Variants in MYRIP observed in about 807,000 individuals in gnomAD.
MYRIP encodes the protein myosin VIIA and Rab interacting protein, also known as rab effector MyRIP.
MYRIP carries 49 observed loss-of-function variants against 98.0 expected under a neutral mutation model. That is an observed-to-expected ratio of 0.50 (90% CI 0.40 to 0.63). The LOEUF is 0.63. MYRIP is among the 30% of genes least tolerant of loss of function. The pLI, the probability that MYRIP is intolerant of heterozygous loss-of-function variation, is 0.00. For synonymous variants in MYRIP, 404 were observed against 409.5 expected, an observed-to-expected ratio of 0.99 and a Z score of 0.16; for missense variants, 1,004 against 1,058.2, an observed-to-expected ratio of 0.95 and a Z score of 0.71.
chr3:40,161,851 G>T (rs1336673635), intron 4 of MYRIP, among the ~76,000 whole-genome samples: 1 of 152,118 alleles, frequency 6.6e-6, no homozygotes, highest in African/African-American at 2.4e-5. Flanking sequence ...GATCTTACCA[G>T]GTCATCTCTG....
Position 40,258,303 on chromosome 3 carries a change from G to C in MYRIP, c.*137G>C. The C allele has an allele frequency of 1.4e-5, 14 of 980,296 alleles. No homozygotes were observed. Among genetic ancestry groups the C allele is most frequent in the East Asian group, 2.4e-5 (1 of 40,872 alleles). The allele number at this position is 980,296 out of a possible 1,614,324, so 60.7% of individuals were successfully genotyped here. A position where few individuals can be genotyped will look rare whatever the true frequency, so the allele number is the denominator to read the frequency against. ...GGAGGCCACAGTGCACCATTGCACA[G>C]GGCTGTCCTGATACCTCATCCAGAA... On this transcript the variant is annotated 3_prime_UTR_variant, in exon 17 of 17. Transcript: ENST00000302541.
chr3:39,863,339 CTA>C, intron 1 of MYRIP, among the ~76,000 whole-genome samples: 1 of 151,422 alleles, frequency 6.6e-6, no homozygotes, highest in East Asian at 1.9e-4. Flanking sequence ...ATATGAAAAA[CTA>C]TGCAAAAGAT....
At chr3:40,088,923 T>C (rs570884665) in intron 3 of MYRIP, among the ~76,000 whole-genome samples, 13 of 150,738 alleles carry the variant, frequency 8.6e-5, no homozygotes, top group Non-Finnish European at 1.6e-4. Context: ...TGGCAGGGGA[T>C]GAGGACTTGG....
chr3:39,895,315 T>A (rs766111070), intron 1 of MYRIP, among the ~76,000 whole-genome samples: 4 of 151,938 alleles, frequency 2.6e-5, no homozygotes, highest in African/African-American at 4.8e-5. Context: ...GCATCCTGAG[T>A]AGCTGGGACT....
chr3:40,112,948 C>A (rs934267875), intron 3 of MYRIP, among the ~76,000 whole-genome samples: 1 of 152,192 alleles, frequency 6.6e-6, no homozygotes, highest in Non-Finnish European at 1.5e-5. Context: ...TTCTCTCGAG[C>A]CTGATCTCAA....
intron 2 of MYRIP, among the ~76,000 whole-genome samples, chr3:39,986,455 CCTCT>C (rs369680741): frequency 8.8e-4 from 112 of 127,010 alleles, no homozygotes; most frequent in African/African-American, 4.3e-3. Flanking sequence ...TCTCTCTCTC[CCTCT>C]CTCTCTCTCT....
intron 10 of MYRIP, among the ~76,000 whole-genome samples, chr3:40,196,926 GC>G (rs1256169888): frequency 6.6e-6 from 1 of 152,082 alleles, no homozygotes; most frequent in Non-Finnish European, 1.5e-5. Flanking sequence ...CACCTCATGG[GC>G]CAGGATTAGC....
intron 1 of MYRIP, among the ~76,000 whole-genome samples, chr3:39,883,184 T>C (rs780553889): frequency 6.6e-6 from 1 of 152,178 alleles, no homozygotes; most frequent in Non-Finnish European, 1.5e-5. Context: ...AGGGGAGAGA[T>C]CCTATTGACA....
At chr3:39,875,040 A>G (rs1378606505) in intron 1 of MYRIP, among the ~76,000 whole-genome samples, 1 of 152,094 alleles carries the variant, frequency 6.6e-6, no homozygotes, top group Non-Finnish European at 1.5e-5. Flanking sequence ...GTCTATTCAG[A>G]GATTCAACTT....
intron 2 of MYRIP, among the ~76,000 whole-genome samples, chr3:39,986,508 T>C (rs1946036217): frequency 6.6e-6 from 1 of 151,960 alleles, no homozygotes; most frequent in Non-Finnish European, 1.5e-5. Flanking sequence ...GCATAAGGTG[T>C]GAAAGGCAAA....
chr3:39,982,556 C>G (rs1015432092), intron 2 of MYRIP, among the ~76,000 whole-genome samples: 2 of 152,164 alleles, frequency 1.3e-5, no homozygotes, highest in South Asian at 2.1e-4. Flanking sequence ...GTTTCAGAAG[C>G]CTGAGGCCTG....
intron 3 of MYRIP, among the ~76,000 whole-genome samples, chr3:40,137,500 T>C (rs1949805522): frequency 6.6e-6 from 1 of 151,928 alleles, no homozygotes. Context: ...TTCCAGTCAA[T>C]AGAAAAAGAG....
chr3:40,240,477 C>T (rs889907391), intron 12 of MYRIP, among the ~76,000 whole-genome samples: 1 of 152,266 alleles, frequency 6.6e-6, no homozygotes. Flanking sequence ...TTGCCTCACT[C>T]GGGAAGCGCA....
intron 3 of MYRIP, among the ~76,000 whole-genome samples, chr3:40,066,692 G>T (rs1948134421): frequency 6.6e-6 from 1 of 152,128 alleles, no homozygotes; most frequent in Admixed American, 6.5e-5. Flanking sequence ...TACAGAGAAG[G>T]TTCTGTATTC....
At chr3:40,050,079 C>T (rs1365735777) in intron 3 of MYRIP, among the ~76,000 whole-genome samples, 3 of 152,144 alleles carry the variant, frequency 2.0e-5, no homozygotes, top group African/African-American at 7.2e-5. Flanking sequence ...GCAGCAAGTG[C>T]TGATGGAGGA....
chr3:40,176,928 AAAG>A (rs1559435714), intron 8 of MYRIP, among the ~76,000 whole-genome samples: 1 of 150,856 alleles, frequency 6.6e-6, no homozygotes, highest in Non-Finnish European at 1.5e-5. Flanking sequence ...AAAAAAAAGA[AAAG>A]AAAAGAAAAT....
At chr3:39,907,701 A>C (rs540194011) in intron 2 of MYRIP, among the ~76,000 whole-genome samples, 2 of 152,258 alleles carry the variant, frequency 1.3e-5, no homozygotes, top group South Asian at 4.1e-4. Context: ...AGTTTTTGAG[A>C]GCTAAAAGAG....
chr3:39,968,715 G>T (rs1180708732), intron 2 of MYRIP, among the ~76,000 whole-genome samples: 2 of 152,094 alleles, frequency 1.3e-5, no homozygotes, highest in African/African-American at 2.4e-5. Context: ...ATGCTGTTTT[G>T]GTTACCAAAG....
At chr3:39,845,541 T>C (rs1941938236) in intron 1 of MYRIP, among the ~76,000 whole-genome samples, 1 of 152,200 alleles carries the variant, frequency 6.6e-6, no homozygotes, top group African/African-American at 2.4e-5. Context: ...TTAGGCACTT[T>C]TTGGGCACTT....
Sources: gnomAD v4.1 joint callset for allele counts (sites outside exome capture counted in the v4.1 genomes callset) on GRCh38, gnomAD v4.1.1 for gene constraint, MANE v1.5 for transcripts, NCBI Gene and HGNC (gene_info 2026-07-23, HGNC 2026-07-21) for gene names.